The following STXBP5L variants were observed in gnomAD, a reference collection of about 807,000 sequenced individuals.
STXBP5L encodes syntaxin binding protein 5L, also known as syntaxin-binding protein 5-like.
In STXBP5L, 65 loss-of-function variants were observed where a neutral mutation model predicts 144.5. That is an observed-to-expected ratio of 0.45 (90% CI 0.37 to 0.55). The LOEUF (loss-of-function observed/expected upper bound fraction) is 0.55, where lower values mean the gene tolerates loss of function less well. STXBP5L is among the 20% of genes least tolerant of loss of function. The pLI is 0.00. For synonymous variants in STXBP5L, 505 were observed against 469.6 expected, an observed-to-expected ratio of 1.08 and a Z score of -0.97; for missense variants, 1,298 against 1,405.5, an observed-to-expected ratio of 0.92 and a Z score of 1.22.
chr3:121,022,308 G>T (rs1945615187), intron 3 of STXBP5L, among the ~76,000 whole-genome samples: 2 of 152,004 alleles, frequency 1.3e-5, no homozygotes, highest in Non-Finnish European at 2.9e-5. Context: ...AACAAAAAAA[G>T]TCCAGGACCA....
At chr3:120,952,581 T>A (rs1274195057) in intron 2 of STXBP5L, among the ~76,000 whole-genome samples, 1 of 152,098 alleles carries the variant, frequency 6.6e-6, no homozygotes, top group Non-Finnish European at 1.5e-5. Flanking sequence ...ACTGGATTTA[T>A]AATGGTGATT....
At chr3:121,119,789 C>T (rs2044380691) in intron 6 of STXBP5L, among the ~76,000 whole-genome samples, 1 of 151,170 alleles carries the variant, frequency 6.6e-6, no homozygotes, top group South Asian at 2.1e-4. Context: ...AATGTGAACC[C>T]TTTTTCCTCT....
chr3:121,328,052 A>G (rs1461615207), intron 20 of STXBP5L, among the ~76,000 whole-genome samples: 3 of 152,216 alleles, frequency 2.0e-5, no homozygotes, highest in Non-Finnish European at 2.9e-5. Flanking sequence ...CAAGTTTGTT[A>G]GGACATACTA....
At chr3:120,915,728 A>G (rs1254745459) in intron 2 of STXBP5L, among the ~76,000 whole-genome samples, 1 of 152,134 alleles carries the variant, frequency 6.6e-6, no homozygotes, top group Non-Finnish European at 1.5e-5. Flanking sequence ...CTAATTTCCT[A>G]GGTAATACTA....
intron 9 of STXBP5L, among the ~76,000 whole-genome samples, chr3:121,175,842 T>C (rs923512154): frequency 6.7e-6 from 1 of 148,748 alleles, no homozygotes; most frequent in African/African-American, 2.5e-5. Context: ...TACAAAACTA[T>C]AGATAAGTTG....
chr3:121,298,778 C>T (rs113074934), intron 19 of STXBP5L, among the ~76,000 whole-genome samples: 1,752 of 152,256 alleles, frequency 0.012, 35 homozygotes, highest in African/African-American at 0.039. Context: ...TGGAGAGCTA[C>T]TGTTCAGTGG....
At chr3:121,339,849 G>T (rs900991684) in intron 20 of STXBP5L, among the ~76,000 whole-genome samples, 2 of 151,594 alleles carry the variant, frequency 1.3e-5, no homozygotes, top group African/African-American at 4.8e-5. Context: ...ATTTAACCGG[G>T]GAGGTGAAAG....
chr3:121,217,234 A>G (rs1289230539), intron 10 of STXBP5L, among the ~76,000 whole-genome samples: 1 of 152,122 alleles, frequency 6.6e-6, no homozygotes, highest in African/African-American at 2.4e-5. Flanking sequence ...AGGTATGAAA[A>G]GAAACTCCTT....
chr3:121,049,341 A>G (rs1467945052), intron 5 of STXBP5L, among the ~76,000 whole-genome samples: 2 of 152,018 alleles, frequency 1.3e-5, no homozygotes, highest in African/African-American at 2.4e-5. Flanking sequence ...GTAGTGGCCT[A>G]AGAGTCCAGT....
At chr3:121,141,878 A>G (rs2045522537) in intron 7 of STXBP5L, among the ~76,000 whole-genome samples, 1 of 152,122 alleles carries the variant, frequency 6.6e-6, no homozygotes, top group Non-Finnish European at 1.5e-5. Context: ...AAAACAACTA[A>G]CAAAATGGCA....
At chr3:121,392,500 T>C (rs1028386699) in intron 22 of STXBP5L, among the ~76,000 whole-genome samples, 2 of 152,156 alleles carry the variant, frequency 1.3e-5, no homozygotes, top group African/African-American at 2.4e-5. Context: ...CACTGGGAGC[T>C]GCAGACCAGA....
chr3:121,412,727 C>CAAAAAAAAAAAAAAAA (rs35247157), intron 23 of STXBP5L, among the ~76,000 whole-genome samples: 10 of 69,606 alleles, frequency 1.4e-4, no homozygotes, highest in South Asian at 6.2e-4. Context: ...TTTCTCCCTC[C>CAAAAAAAAAAAAAAAA]AAAAAAAAAA....
chr3:121,274,939 T>C (rs1362289028), intron 18 of STXBP5L, among the ~76,000 whole-genome samples: 4 of 152,188 alleles, frequency 2.6e-5, no homozygotes, highest in Non-Finnish European at 4.4e-5. Context: ...AAGCCCTGAC[T>C]TATAACCCAA....
At chr3:121,034,992 C>G (rs1027076554) in intron 3 of STXBP5L, among the ~76,000 whole-genome samples, 3 of 152,026 alleles carry the variant, frequency 2.0e-5, no homozygotes, top group African/African-American at 4.8e-5. Flanking sequence ...TTTTTATATA[C>G]TTGTTGGCAA....
chr3:120,981,392 T>C (rs1209509995), intron 3 of STXBP5L, among the ~76,000 whole-genome samples: 1 of 152,134 alleles, frequency 6.6e-6, no homozygotes, highest in Non-Finnish European at 1.5e-5. Flanking sequence ...TCATTTTTAT[T>C]CTTTAATTTT....
intron 21 of STXBP5L, 45 bp downstream of exon 21, chr3:121,378,931 T>C (rs2046259525): frequency 1.9e-6 from 3 of 1,574,054 alleles, no homozygotes; most frequent in Non-Finnish European, 2.6e-6. Flanking sequence ...TAAAATTTGG[T>C]TTACAATGGT....
intron 5 of STXBP5L, among the ~76,000 whole-genome samples, chr3:121,051,722 G>C (rs1050403284): frequency 3.3e-5 from 5 of 151,992 alleles, no homozygotes; most frequent in Non-Finnish European, 7.4e-5. Flanking sequence ...CAGAAGGCAA[G>C]AAATAACTAA....
intron 20 of STXBP5L, among the ~76,000 whole-genome samples, chr3:121,370,362 C>A (rs749202602): frequency 6.6e-6 from 1 of 152,060 alleles, no homozygotes; most frequent in Non-Finnish European, 1.5e-5. Flanking sequence ...AGGGAGACTC[C>A]GTCTCAAAAA....
intron 5 of STXBP5L, among the ~76,000 whole-genome samples, chr3:121,095,084 T>C (rs888222590): frequency 1.3e-5 from 2 of 152,182 alleles, no homozygotes; most frequent in African/African-American, 4.8e-5. Flanking sequence ...GGGTTGAAAA[T>C]TCTTTTCTTT....
Sources: allele counts gnomAD v4.1 joint callset (sites outside exome capture counted in the v4.1 genomes callset), GRCh38; gene constraint gnomAD v4.1.1; transcripts MANE v1.5; gene names NCBI Gene and HGNC (gene_info 2026-07-23, HGNC 2026-07-21).